Variants in WDR26 observed in about 807,000 individuals in gnomAD.
WDR26 encodes the protein WD repeat-containing protein 26.
In WDR26, 5 loss-of-function variants were observed where a neutral mutation model predicts 84.1. The ratio of observed to expected loss-of-function variants is 0.06; its 90% CI spans 0.03 to 0.13. The LOEUF (loss-of-function observed/expected upper bound fraction) is 0.13. WDR26 is among the 10% of genes least tolerant of loss of function. The pLI is 1.00. For synonymous variants in WDR26, 415 were observed against 389.6 expected, an observed-to-expected ratio of 1.07 and a Z score of -0.77; for missense variants, 642 against 974.9, an observed-to-expected ratio of 0.66 and a Z score of 4.55.
At position 224,389,123 on chromosome 1, in the gene WDR26, G is replaced by A. The variant is rs1262895651; in HGVS notation, c.*712C>T. ...GTTTAGATTCCAAATGTATACAAAT[G>A]AAGTCACTTTAATCCTATAAATACT... On this transcript the variant is annotated 3_prime_UTR_variant, in exon 14 of 14. Coordinates refer to ENST00000414423, the MANE Select transcript of WDR26 (RefSeq NM_001379403.1). The A allele has an allele frequency of 1.3e-5, 2 of 152,728 alleles. No homozygotes were observed. The highest frequency in any genetic ancestry group is 2.1e-4 in the South Asian group (1 of 4,820). The allele number at this position is 152,728 out of a possible 1,614,324, so 9.5% of individuals were successfully genotyped here. A position where few individuals can be genotyped will look rare whatever the true frequency, so the allele number is the denominator to read the frequency against.
chr1:224,403,806 G>A (rs1227897599), intron 8 of WDR26, among the ~76,000 whole-genome samples: 16 of 152,054 alleles, frequency 1.1e-4, no homozygotes, highest in African/African-American at 2.7e-4. Flanking sequence ...GCGTTGTGGC[G>A]GGTGCCTGTA....
intron 7 of WDR26, among the ~76,000 whole-genome samples, chr1:224,410,993 A>C (rs2102904899): frequency 6.6e-6 from 1 of 152,222 alleles, no homozygotes; most frequent in South Asian, 2.1e-4. Flanking sequence ...TGCCTGGCCT[A>C]ATCTTTCAAC....
At chr1:224,405,798 G>C (rs1337009949) in intron 7 of WDR26, among the ~76,000 whole-genome samples, 1 of 152,230 alleles carries the variant, frequency 6.6e-6, no homozygotes, top group African/African-American at 2.4e-5. Flanking sequence ...GGCTGCAAGA[G>C]TTGACATGTT....
chr1:224,392,955 T>C (rs1174783821), intron 13 of WDR26, among the ~76,000 whole-genome samples: 1 of 152,140 alleles, frequency 6.6e-6, no homozygotes, highest in Non-Finnish European at 1.5e-5. Flanking sequence ...TCTGTTTATA[T>C]ATAAACTGCT....
intron 7 of WDR26, among the ~76,000 whole-genome samples, chr1:224,406,369 T>G (rs1260597865): frequency 6.6e-6 from 1 of 152,108 alleles, no homozygotes; most frequent in Non-Finnish European, 1.5e-5. Flanking sequence ...GTCTTAAGAT[T>G]TATTGAGTTT....
chr1:224,397,584 T>C (rs867349113), intron 12 of WDR26: 1 of 152,390 alleles, frequency 6.6e-6, no homozygotes, highest in African/African-American at 2.4e-5. Flanking sequence ...TCAGCTTTCC[T>C]AAAATCTTAA....
chr1:224,408,137 C>T (rs888865472), intron 7 of WDR26, among the ~76,000 whole-genome samples: 1 of 152,218 alleles, frequency 6.6e-6, no homozygotes, highest in Admixed American at 6.5e-5. Flanking sequence ...GATCTGGCTG[C>T]TATTTAATTA....
intron 3 of WDR26, chr1:224,429,425 C>T (rs886293447): frequency 4.6e-5 from 7 of 152,074 alleles, no homozygotes; most frequent in African/African-American, 9.7e-5. Flanking sequence ...AAAATAATTA[C>T]GTTTAAAGAA....
intron 12 of WDR26, among the ~76,000 whole-genome samples, chr1:224,396,230 T>C (rs1673255794): frequency 6.6e-6 from 1 of 152,172 alleles, no homozygotes; most frequent in Non-Finnish European, 1.5e-5. Context: ...TCGTTGTTTC[T>C]AAGTTAGTTT....
intron 3 of WDR26, among the ~76,000 whole-genome samples, chr1:224,425,717 A>C (rs971528154): frequency 2.0e-5 from 3 of 152,188 alleles, no homozygotes; most frequent in Non-Finnish European, 2.9e-5. Flanking sequence ...GTGGAGCTTG[A>C]GCAAGCCAAT....
chr1:224,433,617 C>CCG, intron 1 of WDR26, 67 bp downstream of exon 1: 10 of 877,108 alleles, frequency 1.1e-5, no homozygotes, highest in Non-Finnish European at 1.5e-5. Flanking sequence ...TCCGCCCCTT[C>CCG]CCCTACCCCC....
At position 224,385,977 on chromosome 1, in the gene WDR26, A is replaced by G. The variant is rs1362280458; in HGVS notation, c.*3858T>C. 1.3e-5 allele frequency: 2 copies of G among 152,064 alleles called. No homozygotes were observed. The highest frequency in any genetic ancestry group is 2.9e-5 in the Non-Finnish European group (2 of 67,984). 9.4% of individuals were successfully genotyped at this position (152,064 alleles called of 1,614,324 possible). On this transcript the variant is annotated 3_prime_UTR_variant, in exon 14 of 14. Coordinates refer to ENST00000414423, the MANE Select transcript of WDR26 (RefSeq NM_001379403.1). ...CAAGTACTCTCTCTCTCACACACACACAGAACACACACACACATTTTTATA... is the reference window on the plus strand; with the variant it reads ...CAAGTACTCTCTCTCTCACACACACGCAGAACACACACACACATTTTTATA...
chr1:224,398,648 A>G, intron 10 of WDR26, 55 bp from the exon 11 acceptor site: 2 of 1,462,630 alleles, frequency 1.4e-6, no homozygotes, highest in Non-Finnish European at 1.9e-6. Flanking sequence ...AAGACATTCA[A>G]ATTATCAATA....
chr1:224,421,469 A>T (rs1674059911), intron 4 of WDR26, among the ~76,000 whole-genome samples: 1 of 152,188 alleles, frequency 6.6e-6, no homozygotes, highest in Admixed American at 6.5e-5. Context: ...GCATGCCTGT[A>T]ATCCCAGCTA....
chr1:224,400,588 C>T (rs1289552236), intron 9 of WDR26, among the ~76,000 whole-genome samples: 1 of 152,114 alleles, frequency 6.6e-6, no homozygotes, highest in Non-Finnish European at 1.5e-5. Flanking sequence ...TCTTGTTGCC[C>T]AGGCTGGAGT....
Position 224,431,489 on chromosome 1 carries a change from C to G in WDR26, c.915G>C (p.Leu305Phe). 6.2e-7 allele frequency: 1 copy of G among 1,613,838 alleles called. No individual in the cohort carries two copies. Among genetic ancestry groups the G allele is most frequent in the Non-Finnish European group, 8.5e-7 (1 of 1,179,860 alleles). The change falls in exon 3 of 14, where the codon TTG becomes TTC. Residue 305 changes from leucine (L) to phenylalanine (F), a missense_variant. Around this residue, in one of 2 missense-constraint regions of WDR26, gnomAD observed 351 missense variants for 672.8 expected, o/e 0.52. Transcript: ENST00000414423. ...AAAGTGTATTTACCACAATTATTCCCAACAACGTTTGAGAGATTTCAAGTG... is the reference window on the plus strand; with the variant it reads ...AAAGTGTATTTACCACAATTATTCCGAACAACGTTTGAGAGATTTCAAGTG...
At chr1:224,424,175 G>T (rs558285897) in intron 4 of WDR26, among the ~76,000 whole-genome samples, 7 of 152,188 alleles carry the variant, frequency 4.6e-5, no homozygotes, top group Non-Finnish European at 1.0e-4. Flanking sequence ...ACCAATACTG[G>T]AAATGTCATT....
intron 6 of WDR26, among the ~76,000 whole-genome samples, chr1:224,415,152 TA>T (rs1673857417): frequency 6.6e-6 from 1 of 152,232 alleles, no homozygotes; most frequent in Non-Finnish European, 1.5e-5. Flanking sequence ...TTAAAATCTC[TA>T]CAGTAAAAAG....
chr1:224,398,619 A>C (rs1673324731), intron 10 of WDR26, 26 bp from the exon 11 acceptor site: 1 of 1,559,888 alleles, frequency 6.4e-7, no homozygotes, highest in South Asian at 1.2e-5. Flanking sequence ...AATTTGTCAA[A>C]AACAACATAT....
Sources: gnomAD v4.1 joint callset for allele counts (sites outside exome capture counted in the v4.1 genomes callset) on GRCh38, gnomAD v4.1.1 for gene constraint, gnomAD v4.1.1 regional missense constraint, MANE v1.5 for transcripts, NCBI Gene and HGNC (gene_info 2026-07-23, HGNC 2026-07-21) for gene names.